DAB1: variants seen among roughly 807,000 people sequenced by gnomAD.
The protein encoded by DAB1 is DAB adaptor protein 1, also known as disabled homolog 1.
Under a neutral mutation model 64.6 loss-of-function variants are expected in DAB1, and 15 were observed. The ratio of observed to expected loss-of-function variants is 0.23; its 90% confidence interval spans 0.16 to 0.36. DAB1 has a LOEUF of 0.36. DAB1 is among the 10% of genes least tolerant of loss of function. DAB1 has a pLI of 1.00. For missense variants in DAB1, 596 were observed against 706.7 expected, an observed-to-expected ratio of 0.84 and a Z score of 1.78; for synonymous variants, 235 against 251.9, an observed-to-expected ratio of 0.93 and a Z score of 0.64.
chr1:57,781,159 T>G (rs1650079396), intron 6 of DAB1, among the ~76,000 whole-genome samples: 1 of 119,120 alleles, frequency 8.4e-6, no homozygotes, highest in Non-Finnish European at 1.8e-5. Flanking sequence ...TATATATATA[T>G]ATATATATAT....
intron 6 of DAB1, among the ~76,000 whole-genome samples, chr1:57,694,121 T>C (rs1232091070): frequency 3.3e-5 from 5 of 152,290 alleles, no homozygotes; most frequent in African/African-American, 1.2e-4. Context: ...TTGTATAAGG[T>C]GAGGGAGATA....
At chr1:57,480,765 A>G (rs1281475782) in intron 7 of DAB1, among the ~76,000 whole-genome samples, 2 of 152,162 alleles carry the variant, frequency 1.3e-5, no homozygotes, top group African/African-American at 2.4e-5. Flanking sequence ...GATTATAGGC[A>G]TGAGCCACCA....
intron 3 of DAB1, among the ~76,000 whole-genome samples, chr1:58,431,099 A>T (rs1320408324): frequency 1.3e-5 from 2 of 152,174 alleles, no homozygotes; most frequent in Admixed American, 6.5e-5. Context: ...TGGATTTGGG[A>T]ACTCCAACAT....
intron 5 of DAB1, among the ~76,000 whole-genome samples, chr1:58,056,678 G>T (rs1217422252): frequency 6.6e-6 from 1 of 152,148 alleles, no homozygotes; most frequent in African/African-American, 2.4e-5. Context: ...GCCCCCAGAT[G>T]CTATCCATGT....
chr1:58,346,020 G>T (rs2100510081), intron 3 of DAB1, among the ~76,000 whole-genome samples: 1 of 152,166 alleles, frequency 6.6e-6, no homozygotes, highest in East Asian at 1.9e-4. Flanking sequence ...AACAACTGCA[G>T]TTCAGTGATG....
intron 3 of DAB1, among the ~76,000 whole-genome samples, chr1:58,394,946 C>T (rs1644506468): frequency 6.6e-6 from 1 of 151,278 alleles, no homozygotes; most frequent in Non-Finnish European, 1.5e-5. Flanking sequence ...TGTGGGATGT[C>T]CAAAGATAAG....
At chr1:57,687,381 A>C (rs1306636793) in intron 6 of DAB1, among the ~76,000 whole-genome samples, 1 of 152,092 alleles carries the variant, frequency 6.6e-6, no homozygotes, top group African/African-American at 2.4e-5. Context: ...TTCTGAAAGA[A>C]ATCAGAGACA....
intron 2 of DAB1, among the ~76,000 whole-genome samples, chr1:57,145,722 T>G (rs1014938467): frequency 1.3e-5 from 2 of 152,212 alleles, no homozygotes; most frequent in Admixed American, 6.5e-5. Context: ...AGATAATATG[T>G]GTGAAGCATC....
intron 5 of DAB1, among the ~76,000 whole-genome samples, chr1:58,115,974 A>AACTT (rs1292413793): frequency 3.9e-5 from 4 of 103,662 alleles, no homozygotes; most frequent in Non-Finnish European, 6.8e-5. Flanking sequence ...TGTACCCTAA[A>AACTT]ACTTAGAGTA....
chr1:57,809,757 C>T (rs1466931331), intron 6 of DAB1, among the ~76,000 whole-genome samples: 1 of 152,088 alleles, frequency 6.6e-6, no homozygotes, highest in Non-Finnish European at 1.5e-5. Flanking sequence ...TACGATCACG[C>T]AGTTGTTGTC....
At position 58,269,171 on chromosome 1, in the gene DAB1, G is replaced by A. The variant is rs1345331999; in HGVS notation, n.309+74181C>T. Among the ~76,000 whole-genome samples the A allele has an allele frequency of 1.0e-4, 11 of 106,952 alleles. No homozygotes were observed. The East Asian group carries it at 3.0e-3, about 29-fold the overall frequency. 70.2% of individuals were successfully genotyped at this position (106,952 alleles called of 152,430 possible). The stretch of plus-strand genomic sequence containing the variant: ...CAATGCTATCCCTCCCCCCTCCCCC[G>A]ACCCCACCACAGTCCCCAGAGTGTG... On this transcript the variant is annotated intron_variant and non_coding_transcript_variant, in intron 4 of 20. Transcript: ENST00000485760.
chr1:57,103,936 G>A (rs1305850457), intron 4 of DAB1, among the ~76,000 whole-genome samples: 3 of 152,126 alleles, frequency 2.0e-5, no homozygotes, highest in African/African-American at 7.2e-5. Context: ...ATCTGAGAGA[G>A]AGGTATGGCA....
At chr1:57,782,739 T>C (rs765676371) in intron 6 of DAB1, among the ~76,000 whole-genome samples, 7 of 152,192 alleles carry the variant, frequency 4.6e-5, no homozygotes, top group Non-Finnish European at 8.8e-5. Flanking sequence ...CTACAAACAT[T>C]GAATGCCTAA....
At position 57,603,345 on chromosome 1, in the gene DAB1, G is replaced by C. The variant is rs560668823; in HGVS notation, n.625+46247C>G. Among the ~76,000 whole-genome samples, 204 of 152,322 alleles carry C rather than the reference G, an allele frequency of 1.3e-3. 1 individual carries two copies. The highest frequency in any genetic ancestry group is 4.5e-3 in the African/African-American group (188 of 41,574). On this transcript the variant is annotated intron_variant and non_coding_transcript_variant, in intron 7 of 20. Coordinates refer to the DAB1 transcript ENST00000485760. Reference sequence around the variant, plus strand: ...CATCTTTATTTTGAGATCTGGTCTAGAGTTCTTTTCTGGCAGGCGGTCTTT... The same window carrying C: ...CATCTTTATTTTGAGATCTGGTCTACAGTTCTTTTCTGGCAGGCGGTCTTT...
intron 1 of DAB1, among the ~76,000 whole-genome samples, chr1:57,402,327 G>T (rs1200628740): frequency 6.6e-6 from 1 of 152,168 alleles, no homozygotes; most frequent in Non-Finnish European, 1.5e-5. Flanking sequence ...TACACAAAGG[G>T]TTGAATCAGA....
At chr1:58,394,951 G>A (rs1052440785) in intron 3 of DAB1, among the ~76,000 whole-genome samples, 3 of 151,748 alleles carry the variant, frequency 2.0e-5, no homozygotes, top group African/African-American at 7.3e-5. Flanking sequence ...GATGTCCAAA[G>A]ATAAGATATA....
intron 7 of DAB1, among the ~76,000 whole-genome samples, chr1:57,437,778 G>A (rs1685750902): frequency 1.3e-5 from 2 of 152,182 alleles, no homozygotes; most frequent in Admixed American, 1.3e-4. Flanking sequence ...TTTCATTTTG[G>A]AACCGTTATC....
In DAB1 at chr1:58,233,605, C is replaced by G. The variant is rs140253795; in HGVS notation, n.310-83017G>C. On this transcript the variant is annotated intron_variant and non_coding_transcript_variant, in intron 4 of 20. Coordinates refer to the DAB1 transcript ENST00000485760. ...AATCTCCAATACAAAGTATTTACAT[C>G]CCCTGTAATTGTATAAGGAAATAGG... Among the ~76,000 whole-genome samples, 107 of 152,290 alleles carry G rather than the reference C, an allele frequency of 7.0e-4. 1 individual carries two copies. Among genetic ancestry groups the G allele is most frequent in the African/African-American group, 2.5e-3 (105 of 41,546 alleles).
intron 6 of DAB1, among the ~76,000 whole-genome samples, chr1:57,809,870 C>T (rs1156506366): frequency 6.6e-6 from 1 of 152,148 alleles, no homozygotes; most frequent in Non-Finnish European, 1.5e-5. Flanking sequence ...CTGTGCCTCT[C>T]CTCCTTGAAA....
Sources: allele counts gnomAD v4.1 joint callset (sites outside exome capture counted in the v4.1 genomes callset), GRCh38; gene constraint gnomAD v4.1.1; transcripts MANE v1.5; gene names NCBI Gene and HGNC (gene_info 2026-07-23, HGNC 2026-07-21).